The following GALNT18 variants were observed in gnomAD, a reference collection of about 807,000 sequenced individuals.
GALNT18 encodes the protein GalNAc-transferase 18.
In GALNT18, 44 loss-of-function variants were observed where a neutral mutation model predicts 69.5. The ratio of observed to expected loss-of-function variants is 0.63; its 90% confidence interval spans 0.50 to 0.81. The LOEUF (loss-of-function observed/expected upper bound fraction) is 0.81, where lower values mean the gene tolerates loss of function less well. GALNT18 is among the 40% of genes least tolerant of loss of function. GALNT18 has a pLI of 0.00. For missense variants in GALNT18, 715 were observed against 810.0 expected (o/e 0.88, Z 1.42); for synonymous variants, 364 against 318.2 (o/e 1.14, Z -1.53).
At chr11:11,568,273 G>A (rs763748707) in intron 1 of GALNT18, among the ~76,000 whole-genome samples, 6 of 152,130 alleles carry the variant, frequency 3.9e-5, no homozygotes, top group Admixed American at 6.5e-5. Flanking sequence ...GCCAGACTTC[G>A]CGACAACTGA....
intron 9 of GALNT18, among the ~76,000 whole-genome samples, chr11:11,310,107 C>T (rs1849644131): frequency 6.6e-6 from 1 of 152,222 alleles, no homozygotes; most frequent in Non-Finnish European, 1.5e-5. Flanking sequence ...CTTGCTGACT[C>T]CACTTCCTCA....
At chr11:11,353,251 C>T in intron 6 of GALNT18, 1 of 1,119,136 alleles carries the variant, frequency 8.9e-7, no homozygotes, top group Non-Finnish European at 1.3e-6. Flanking sequence ...GCGGCAGCGG[C>T]TGTGGCCGCT....
At chr11:11,287,941 T>C (rs981327554) in intron 10 of GALNT18, among the ~76,000 whole-genome samples, 4 of 152,176 alleles carry the variant, frequency 2.6e-5, no homozygotes, top group African/African-American at 9.7e-5. Flanking sequence ...CTGAAATGTC[T>C]CTCAAAGTCC....
chr11:11,402,167 C>G lies in GALNT18; in HGVS notation c.596-22903G>C, dbSNP rs1214635779. On this transcript the variant is annotated intron_variant, in intron 3 of 10. Coordinates refer to ENST00000227756, the MANE Select transcript of GALNT18 (RefSeq NM_198516.3). The surrounding 1 kb of genome is among the most constrained non-coding windows in gnomAD (Gnocchi z 4.0). The stretch of plus-strand genomic sequence containing the variant: ...GAAAGGCTAGAAAGCAAATAGGCAC[C>G]AGAAGAATCATGCAATCATGGTTTA... Among the ~76,000 whole-genome samples, 1 of 152,186 alleles carries G rather than the reference C, an allele frequency of 6.6e-6. No homozygotes were observed. The highest frequency in any genetic ancestry group is 2.4e-5 in the African/African-American group (1 of 41,442).
intron 1 of GALNT18, among the ~76,000 whole-genome samples, chr11:11,462,411 C>A (rs148002424): frequency 6.6e-6 from 1 of 151,624 alleles, no homozygotes; most frequent in Non-Finnish European, 1.5e-5. Context: ...CTTGTAGCTG[C>A]GGTTACAGGC....
chr11:11,357,499 T>C (rs1294825161), intron 6 of GALNT18, among the ~76,000 whole-genome samples: 1 of 152,196 alleles, frequency 6.6e-6, no homozygotes, highest in African/African-American at 2.4e-5. Flanking sequence ...TTGAAATCTG[T>C]CTTCTATCAC....
intron 7 of GALNT18, among the ~76,000 whole-genome samples, chr11:11,333,780 G>A (rs948214107): frequency 1.3e-5 from 2 of 152,218 alleles, no homozygotes; most frequent in African/African-American, 4.8e-5. Context: ...GGCTAGAGAA[G>A]CCCCCTTCCT....
intron 9 of GALNT18, among the ~76,000 whole-genome samples, chr11:11,313,441 G>C (rs781682460): frequency 9.2e-5 from 14 of 152,182 alleles, no homozygotes; most frequent in Non-Finnish European, 1.6e-4. Context: ...AGATCCTAAG[G>C]AGAAGAGTAT....
Position 11,432,561 on chromosome 11 carries a change from C to T in GALNT18, c.595+60G>A, listed in dbSNP as rs1855291600. The T allele has an allele frequency of 1.3e-6, 2 of 1,512,514 alleles. No homozygotes were observed. Among genetic ancestry groups the T allele is most frequent in the Non-Finnish European group, 1.8e-6 (2 of 1,111,634 alleles). The allele number at this position is 1,512,514 out of a possible 1,614,324, so 93.7% of individuals were successfully genotyped here. On this transcript the variant is annotated intron_variant, in intron 3 of 10. Transcript: ENST00000227756. This position sits in a 1 kb window ranked among gnomAD's most constrained non-coding sequence, Gnocchi z 5.8. ...GCAAATGTGAACCACGACGCTGAAC[C>T]ATCAGCTTAGATGTCAGCCAGGAAG...
Position 11,555,875 on chromosome 11 carries a change from T to C in GALNT18, c.235+65484A>G. Among the ~76,000 whole-genome samples the C allele has an allele frequency of 6.6e-6, 1 of 152,172 alleles. No homozygotes were observed. Among genetic ancestry groups the C allele is most frequent in the East Asian group, 1.9e-4 (1 of 5,194 alleles). On this transcript the variant is annotated intron_variant, in intron 1 of 10. Transcript: ENST00000227756. This position sits in a 1 kb window ranked among gnomAD's most constrained non-coding sequence, Gnocchi z 4.7. The stretch of plus-strand genomic sequence containing the variant: ...ATCTTCTCCAAAGACCTCCAGCACA[T>C]ATCAGGAAAGAGGCTGGGGTCTCAC...
In GALNT18 at chr11:11,587,458, G is replaced by T. The variant is rs1274320055; in HGVS notation, c.235+33901C>A. Reference sequence around the variant, plus strand: ...AAGACTGCATCCCAGCTTTTCTGCAGGTTGCTAATGAGCAGTGAGCATATC... The same window carrying T: ...AAGACTGCATCCCAGCTTTTCTGCATGTTGCTAATGAGCAGTGAGCATATC... On this transcript the variant is annotated intron_variant, in intron 1 of 10. Coordinates refer to ENST00000227756, the MANE Select transcript of GALNT18 (RefSeq NM_198516.3). The surrounding 1 kb of genome is among the most constrained non-coding windows in gnomAD (Gnocchi z 4.4). Among the ~76,000 whole-genome samples, 2 of 152,210 alleles carry T rather than the reference G, an allele frequency of 1.3e-5. No homozygotes were observed. Among genetic ancestry groups the T allele is most frequent in the Non-Finnish European group, 2.9e-5 (2 of 68,034 alleles).
chr11:11,312,960 A>G (rs1454584515), intron 9 of GALNT18, among the ~76,000 whole-genome samples: 2 of 152,224 alleles, frequency 1.3e-5, no homozygotes, highest in Non-Finnish European at 2.9e-5. Context: ...ATCAGGTGTA[A>G]CAATTCACAA....
intron 1 of GALNT18, among the ~76,000 whole-genome samples, chr11:11,525,456 T>C (rs1857497366): frequency 6.6e-6 from 1 of 152,002 alleles, no homozygotes. Flanking sequence ...AACATTTCAG[T>C]GGCGAAATCG....
rs1048068117 is a variant in GALNT18, at chr11:11,538,470, C to T, written c.235+82889G>A. 1.3e-5 allele frequency among the ~76,000 whole-genome samples: 2 copies of T among 152,232 alleles called. No homozygotes were observed. Among genetic ancestry groups the T allele is most frequent in the African/African-American group, 4.8e-5 (2 of 41,470 alleles). ...TGACTCCAGCTCCCAGAGGCCTGGG[C>T]CTGCAGGGTGGGAGAGACCAGCATA... is the stretch of plus-strand genomic sequence containing the variant. On this transcript the variant is annotated intron_variant, in intron 1 of 10. Transcript: ENST00000227756. The surrounding 1 kb of genome is among the most constrained non-coding windows in gnomAD (Gnocchi z 5.2).
At chr11:11,507,436 T>C (rs1857087430) in intron 1 of GALNT18, among the ~76,000 whole-genome samples, 1 of 152,142 alleles carries the variant, frequency 6.6e-6, no homozygotes, top group African/African-American at 2.4e-5. Context: ...CCTCCTTCTC[T>C]TCTTCCTCCT....
At chr11:11,522,187 C>T (rs1347083258) in intron 1 of GALNT18, among the ~76,000 whole-genome samples, 1 of 152,202 alleles carries the variant, frequency 6.6e-6, no homozygotes, top group African/African-American at 2.4e-5. Flanking sequence ...CCTCCTACCT[C>T]CACATGACCT....
chr11:11,542,578 G>A lies in GALNT18; in HGVS notation c.235+78781C>T, dbSNP rs1232625255. On this transcript the variant is annotated intron_variant, in intron 1 of 10. Coordinates refer to ENST00000227756, the MANE Select transcript of GALNT18 (RefSeq NM_198516.3). This position sits in a 1 kb window ranked among gnomAD's most constrained non-coding sequence, Gnocchi z 4.3. ...CAGTCATGCCAAGCTCAAAGAAGAA[G>A]GAACTAGGTGTCAAAAAGAGAATGT... Among the ~76,000 whole-genome samples the A allele has an allele frequency of 6.6e-6, 1 of 152,184 alleles. No homozygotes were observed. The highest frequency in any genetic ancestry group is 1.5e-5 in the Non-Finnish European group (1 of 68,040).
intron 3 of GALNT18, among the ~76,000 whole-genome samples, chr11:11,417,597 G>A (rs1854895771): frequency 6.6e-6 from 1 of 152,204 alleles, no homozygotes; most frequent in Non-Finnish European, 1.5e-5. Context: ...GCAATAGGCT[G>A]GAGACAGTGC....
chr11:11,432,661 C>T lies in GALNT18; in HGVS notation c.555G>A (p.Leu185=). 1.2e-6 allele frequency: 2 copies of T among 1,611,988 alleles called. No individual in the cohort carries two copies. Among genetic ancestry groups the T allele is most frequent in the East Asian group, 2.2e-5 (1 of 44,826 alleles). Reference sequence around the variant, plus strand: ...CATCCACCAGAATGATCTCCTTGAGCAGATGTGGGGGCGTGCGTTCCATGG... The same window carrying T: ...CATCCACCAGAATGATCTCCTTGAGTAGATGTGGGGGCGTGCGTTCCATGG... ...HSAMERTPPH[L]LKEIILVDDN... Residue 185 remains leucine (L), a synonymous_variant, in exon 3 of 11, where the codon CTG becomes CTA. Coordinates refer to ENST00000227756, the MANE Select transcript of GALNT18 (RefSeq NM_198516.3). The surrounding 1 kb of genome is among the most constrained non-coding windows in gnomAD (Gnocchi z 5.8).
Sources: gnomAD v4.1 joint callset for allele counts (sites outside exome capture counted in the v4.1 genomes callset) on GRCh38, gnomAD v4.1.1 for gene constraint, Gnocchi (gnomAD v3.1) non-coding constraint, MANE v1.5 for transcripts, NCBI Gene and HGNC (gene_info 2026-07-23, HGNC 2026-07-21) for gene names.